The following ZNF484 variants were observed in gnomAD, a reference collection of about 807,000 sequenced individuals.
ZNF484 encodes the protein KRAB box containing C2H2 type zinc finger bA526D8.4.
Under a neutral mutation model 12.9 loss-of-function variants are expected in ZNF484, and 11 were observed. That is an observed-to-expected ratio of 0.85 (90% CI 0.54 to 1.41). The LOEUF is 1.41. Among genes scored for constraint, ZNF484 ranks in the 40% most tolerant of loss-of-function variants. The pLI, the probability that ZNF484 is intolerant of heterozygous loss-of-function variation, is 0.00. For missense variants in ZNF484, 807 were observed against 1,007.7 expected, an observed-to-expected ratio of 0.80 and a Z score of 2.70; for synonymous variants, 289 against 334.1, an observed-to-expected ratio of 0.86 and a Z score of 1.47.
intron 2 of ZNF484, among the ~76,000 whole-genome samples, chr9:92,867,071 C>G (rs1295295563): frequency 6.6e-6 from 1 of 152,054 alleles, no homozygotes; most frequent in Non-Finnish European, 1.5e-5. Context: ...TGATGGGGGC[C>G]GGGCATGGTG....
chr9:92,868,186 TGAGACTCAA>T (rs1857221301), intron 2 of ZNF484, among the ~76,000 whole-genome samples: 1 of 152,190 alleles, frequency 6.6e-6, no homozygotes, highest in Non-Finnish European at 1.5e-5. Context: ...CCCAGCTTCT[TGAGACTCAA>T]GAGATCTAAC....
At position 92,846,655 on chromosome 9, in the gene ZNF484, T is replaced by C. The variant is rs199824366; in HGVS notation, c.2132A>G (p.Gln711Arg). ...GGGTTTCTCTCCTGTATGAATTCTCTGATGCATAATTAGTGTTGATTTTCT... is the reference window on the plus strand; with the variant it reads ...GGGTTTCTCTCCTGTATGAATTCTCCGATGCATAATTAGTGTTGATTTTCT... ...FARKSTLIMH[Q>R]RIHTGEKPYI... The change falls in exon 5 of 5, where the codon CAG becomes CGG. Residue 711 changes from glutamine to arginine, a missense_variant. Gln to Arg is a conservative substitution (Grantham distance 43). Transcript: ENST00000375495. 2 of 1,614,056 alleles carry C rather than the reference T, an allele frequency of 1.2e-6. No homozygotes were observed. The highest frequency in any genetic ancestry group is 1.7e-6 in the Non-Finnish European group (2 of 1,180,020).
intron 2 of ZNF484, among the ~76,000 whole-genome samples, chr9:92,861,033 G>A (rs780476687): frequency 6.6e-6 from 1 of 152,182 alleles, no homozygotes; most frequent in African/African-American, 2.4e-5. Context: ...GTGGGATACT[G>A]TCCAGGTTTC....
chr9:92,858,577 G>T (rs1856600279), intron 2 of ZNF484, among the ~76,000 whole-genome samples: 1 of 152,106 alleles, frequency 6.6e-6, no homozygotes, highest in Non-Finnish European at 1.5e-5. Flanking sequence ...ATTCTGGGAG[G>T]TTTAAAATGT....
At chr9:92,849,121 CATG>C (rs2131594785) in intron 4 of ZNF484, among the ~76,000 whole-genome samples, 1 of 151,394 alleles carries the variant, frequency 6.6e-6, no homozygotes, top group East Asian at 2.0e-4. Context: ...ATTAGCCGGA[CATG>C]GTGGTGCATG....
Position 92,846,103 on chromosome 9 carries a change from G to T in ZNF484, c.*125C>A. On this transcript the variant is annotated 3_prime_UTR_variant, in exon 5 of 5. Transcript: ENST00000375495. Reference sequence around the variant, plus strand: ...TGCACATTTACTATTATTTGCAGGAGCTTGACAACACCAATATCAAGTAAC... The same window carrying T: ...TGCACATTTACTATTATTTGCAGGATCTTGACAACACCAATATCAAGTAAC... 1.1e-6 allele frequency: 1 copy of T among 941,294 alleles called. No individual in the cohort carries two copies. The highest frequency in any genetic ancestry group is 1.6e-6 in the Non-Finnish European group (1 of 631,710). The allele number at this position is 941,294 out of a possible 1,614,324, so 58.3% of individuals were successfully genotyped here.
Position 92,848,002 on chromosome 9 carries a change from G to T in ZNF484, c.785C>A (p.Pro262Gln). ...LFSDYVNVFS[P>Q]KSHAFAHESI... ...CTCATGTGCAAAGGCATGTGACTTC[G>T]GGGAGAAAACATTTACGTAGTCAGA... is the stretch of plus-strand genomic sequence containing the variant. The change falls in exon 5 of 5, where the codon CCG (proline) becomes CAG (glutamine). Residue 262 changes from proline to glutamine, a missense_variant. Pro to Gln is a moderately conservative substitution (Grantham distance 76, BLOSUM62 -1). Coordinates refer to ENST00000375495, the MANE Select transcript of ZNF484 (RefSeq NM_031486.4). The surrounding 1 kb of genome is among the most constrained non-coding windows in gnomAD (Gnocchi z 4.1). The T allele has an allele frequency of 6.2e-7, 1 of 1,614,120 alleles. No individual in the cohort carries two copies.
At chr9:92,866,919 C>A (rs1366380070) in intron 2 of ZNF484, among the ~76,000 whole-genome samples, 1 of 152,154 alleles carries the variant, frequency 6.6e-6, no homozygotes, top group South Asian at 2.1e-4. Flanking sequence ...CATGTTCTCA[C>A]TCATAAGTGG....
chr9:92,850,412 A>G (rs1250142007), intron 4 of ZNF484, among the ~76,000 whole-genome samples: 1 of 152,178 alleles, frequency 6.6e-6, no homozygotes, highest in Non-Finnish European at 1.5e-5. Flanking sequence ...TCTTCTCCCT[A>G]TGATCCACTG....
chr9:92,855,203 A>C (rs1856361689), intron 4 of ZNF484, among the ~76,000 whole-genome samples: 1 of 152,144 alleles, frequency 6.6e-6, no homozygotes, highest in Admixed American at 6.5e-5. Flanking sequence ...AAGATATGAA[A>C]ATAAATAAAT....
intron 1 of ZNF484, among the ~76,000 whole-genome samples, chr9:92,876,653 G>A (rs1027000427): frequency 1.3e-5 from 2 of 152,030 alleles, no homozygotes; most frequent in African/African-American, 4.8e-5. Context: ...GTTGAAAAAA[G>A]GGATCCTATA....
Position 92,847,159 on chromosome 9 carries a change from T to A in ZNF484, c.1628A>T (p.Gln543Leu). 6.2e-7 allele frequency: 1 copy of A among 1,614,176 alleles called. No individual in the cohort carries two copies. Among genetic ancestry groups the A allele is most frequent in the Non-Finnish European group, 8.5e-7 (1 of 1,180,040 alleles). The change falls in exon 5 of 5, where the codon CAG (glutamine) becomes CTG (leucine). Residue 543 changes from glutamine (Q) to leucine (L), a missense_variant. Gln to Leu is a moderately radical substitution (Grantham distance 113). Coordinates refer to ENST00000375495, the MANE Select transcript of ZNF484 (RefSeq NM_031486.4). Reference sequence around the variant, plus strand: ...ATGTCTCTCTCCAGTATGACACTTCTGATGTATCCTGAGCCGAGACTTCCA... The same window carrying A: ...ATGTCTCTCTCCAGTATGACACTTCAGATGTATCCTGAGCCGAGACTTCCA... ...FTWKSRLRIH[Q>L]KCHTGERHYE... is the part of the protein sequence containing the mutation.
At chr9:92,871,342 A>C (rs933445884) in intron 2 of ZNF484, among the ~76,000 whole-genome samples, 11 of 152,206 alleles carry the variant, frequency 7.2e-5, no homozygotes, top group African/African-American at 2.4e-4. Flanking sequence ...TATTCTGAGT[A>C]CCTGAAAATA....
intron 2 of ZNF484, 56 bp from the exon 3 acceptor site, chr9:92,856,374 T>TAA: frequency 1.5e-6 from 2 of 1,378,794 alleles, no homozygotes; most frequent in South Asian, 1.5e-5. Context: ...ATATTTGAAT[T>TAA]CAAAAAAAAA....
intron 4 of ZNF484, among the ~76,000 whole-genome samples, chr9:92,853,120 A>G (rs1402370736): frequency 1.3e-5 from 2 of 152,258 alleles, no homozygotes; most frequent in Non-Finnish European, 2.9e-5. Context: ...GAAATCTATC[A>G]GCAGCATCTG....
intron 2 of ZNF484, among the ~76,000 whole-genome samples, chr9:92,871,387 A>C (rs1309650509): frequency 6.6e-6 from 1 of 151,012 alleles, no homozygotes; most frequent in African/African-American, 2.5e-5. Context: ...AATGGAGAGA[A>C]AACAGACTGA....
chr9:92,873,292 A>C (rs1375919532), intron 2 of ZNF484, among the ~76,000 whole-genome samples: 1 of 152,194 alleles, frequency 6.6e-6, no homozygotes, highest in Non-Finnish European at 1.5e-5. Flanking sequence ...CCAGCCTCCC[A>C]GAACTGTGAG....
chr9:92,861,373 T>G (rs946973594), intron 2 of ZNF484, among the ~76,000 whole-genome samples: 1 of 152,204 alleles, frequency 6.6e-6, no homozygotes, highest in African/African-American at 2.4e-5. Flanking sequence ...TTAAAGTAGC[T>G]AACTAAAAGT....
Position 92,845,390 on chromosome 9 carries a change from T to C in ZNF484, c.*838A>G, listed in dbSNP as rs1342661246. The C allele has an allele frequency of 2.0e-5, 3 of 152,222 alleles. No homozygotes were observed. The highest frequency in any genetic ancestry group is 2.9e-5 in the Non-Finnish European group (2 of 68,026). The allele number at this position is 152,222 out of a possible 1,614,324, so 9.4% of individuals were successfully genotyped here. A position where few individuals can be genotyped will look rare whatever the true frequency, so the allele number is the denominator to read the frequency against. ...ATAAAAGGAGAAGTCTTCCAAATGT[T>C]CAACTACATTTTATCTTCTAAGGAC... On this transcript the variant is annotated 3_prime_UTR_variant, in exon 5 of 5. Coordinates refer to ENST00000375495, the MANE Select transcript of ZNF484 (RefSeq NM_031486.4). The surrounding 1 kb of genome is among the most constrained non-coding windows in gnomAD (Gnocchi z 4.0).
Sources: gnomAD v4.1 joint callset for allele counts (sites outside exome capture counted in the v4.1 genomes callset) on GRCh38, gnomAD v4.1.1 for gene constraint, Gnocchi (gnomAD v3.1) non-coding constraint, MANE v1.5 for transcripts, NCBI Gene and HGNC (gene_info 2026-07-23, HGNC 2026-07-21) for gene names.